TMEM163: variants seen among roughly 807,000 people sequenced by gnomAD.
TMEM163 encodes transmembrane protein 163.
A neutral mutation model predicts 29.3 loss-of-function variants in TMEM163; 17 were observed. That is an observed-to-expected ratio of 0.58 (90% CI 0.40 to 0.87). The LOEUF (loss-of-function observed/expected upper bound fraction) is 0.87. TMEM163 is among the 40% of genes least tolerant of loss of function. TMEM163 has a pLI of 0.00. For synonymous variants in TMEM163, 157 were observed against 160.6 expected, an observed-to-expected ratio of 0.98 and a Z score of 0.17; for missense variants, 303 against 381.5, an observed-to-expected ratio of 0.79 and a Z score of 1.71.
intron 2 of TMEM163, among the ~76,000 whole-genome samples, chr2:134,631,373 C>A (rs1682964822): frequency 6.6e-6 from 1 of 152,112 alleles, no homozygotes; most frequent in African/African-American, 2.4e-5. Context: ...ACTGTAATGA[C>A]ATTTTTGAAC....
intron 2 of TMEM163, among the ~76,000 whole-genome samples, chr2:134,565,161 C>T (rs1681271898): frequency 6.6e-6 from 1 of 151,976 alleles, no homozygotes; most frequent in African/African-American, 2.4e-5. Context: ...TCGATTGAAC[C>T]CAGGAGGCAG....
chr2:134,489,322 G>A (rs1373905390), intron 5 of TMEM163, among the ~76,000 whole-genome samples: 2 of 152,046 alleles, frequency 1.3e-5, no homozygotes, highest in Non-Finnish European at 2.9e-5. Context: ...GTTCACACCT[G>A]TAATCCCAGC....
At chr2:134,591,194 C>T (rs560915007) in intron 2 of TMEM163, among the ~76,000 whole-genome samples, 4 of 152,310 alleles carry the variant, frequency 2.6e-5, no homozygotes, top group African/African-American at 7.2e-5. Context: ...TTCCCCTCTC[C>T]GTGGCAGAGA....
chr2:134,616,141 T>C (rs866049822), intron 2 of TMEM163, among the ~76,000 whole-genome samples: 1 of 152,316 alleles, frequency 6.6e-6, no homozygotes, highest in East Asian at 1.9e-4. Context: ...AGAGCAAAGA[T>C]CATGGCAACA....
rs530018832 is a variant in TMEM163, at chr2:134,592,152, A to C, written c.323-40061T>G. Reference sequence around the variant, plus strand: ...TTTGTCTGAAGACTTGAAGTCAGTAAAAATTAAAACTTGAGTTAAGATAAG... The same window carrying C: ...TTTGTCTGAAGACTTGAAGTCAGTACAAATTAAAACTTGAGTTAAGATAAG... On this transcript the variant is annotated intron_variant, in intron 2 of 7. Coordinates refer to ENST00000281924, the MANE Select transcript of TMEM163 (RefSeq NM_030923.5). Among the ~76,000 whole-genome samples, 14 of 152,336 alleles carry C rather than the reference A, an allele frequency of 9.2e-5. No homozygotes were observed. In the East Asian group the frequency reaches 1.7e-3, roughly 19 times the overall value.
intron 4 of TMEM163, among the ~76,000 whole-genome samples, chr2:134,544,159 C>G (rs926138731): frequency 6.6e-6 from 1 of 152,114 alleles, no homozygotes; most frequent in African/African-American, 2.4e-5. Flanking sequence ...GGCAAGCATC[C>G]CATGGCCCTC....
intron 2 of TMEM163, among the ~76,000 whole-genome samples, chr2:134,597,542 C>A (rs144064831): frequency 6.6e-6 from 1 of 152,072 alleles, no homozygotes; most frequent in Non-Finnish European, 1.5e-5. Flanking sequence ...ATTTTTGCAT[C>A]GATATTCATC....
At chr2:134,544,029 A>G (rs570386746) in intron 4 of TMEM163, among the ~76,000 whole-genome samples, 2 of 152,322 alleles carry the variant, frequency 1.3e-5, no homozygotes, top group African/African-American at 4.8e-5. Context: ...CATCTCAGCA[A>G]GCTGACTGAC....
At chr2:134,664,391 G>A (rs974599345) in intron 2 of TMEM163, among the ~76,000 whole-genome samples, 3 of 152,332 alleles carry the variant, frequency 2.0e-5, no homozygotes, top group Middle Eastern at 3.4e-3. Context: ...TAGGTCTAGC[G>A]TGGGGTTTAA....
chr2:134,640,259 A>C (rs1242162860), intron 2 of TMEM163, among the ~76,000 whole-genome samples: 1 of 152,190 alleles, frequency 6.6e-6, no homozygotes, highest in Non-Finnish European at 1.5e-5. Context: ...TCCTCACTTC[A>C]TTAATTCCTA....
intron 4 of TMEM163, among the ~76,000 whole-genome samples, chr2:134,507,256 A>C (rs1445808392): frequency 6.6e-6 from 1 of 151,908 alleles, no homozygotes. Flanking sequence ...GAATCGCTTG[A>C]ACCTGGGAGG....
At chr2:134,532,176 G>A (rs960849764) in intron 4 of TMEM163, among the ~76,000 whole-genome samples, 9 of 152,202 alleles carry the variant, frequency 5.9e-5, no homozygotes, top group African/African-American at 2.2e-4. Context: ...AAAGTCTAGC[G>A]CATCTGTGTC....
chr2:134,476,714 C>CTGGCTT (rs1353897620), intron 5 of TMEM163, among the ~76,000 whole-genome samples: 1 of 152,176 alleles, frequency 6.6e-6, no homozygotes, highest in Non-Finnish European at 1.5e-5. Flanking sequence ...ACCTGGAGGG[C>CTGGCTT]TGGCTTTAAG....
chr2:134,685,697 G>A (rs1684336266), intron 2 of TMEM163, among the ~76,000 whole-genome samples: 1 of 152,078 alleles, frequency 6.6e-6, no homozygotes, highest in South Asian at 2.1e-4. Context: ...CTTACAAAGG[G>A]AACATGGAAG....
chr2:134,682,481 AAAAC>A, intron 2 of TMEM163, among the ~76,000 whole-genome samples: 2 of 152,344 alleles, frequency 1.3e-5, no homozygotes, highest in East Asian at 3.9e-4. Context: ...ATACGGAAAG[AAAAC>A]TAATGAGAAA....
intron 2 of TMEM163, among the ~76,000 whole-genome samples, chr2:134,579,617 C>T (rs1232606601): frequency 1.3e-5 from 2 of 152,044 alleles, no homozygotes; most frequent in Non-Finnish European, 2.9e-5. Context: ...AGCTAATGAA[C>T]AGGGTGAATG....
chr2:134,670,029 C>T (rs2104865897), intron 2 of TMEM163, among the ~76,000 whole-genome samples: 1 of 152,134 alleles, frequency 6.6e-6, no homozygotes, highest in South Asian at 2.1e-4. Flanking sequence ...AAACTCCTGC[C>T]CCACCGAAAC....
intron 5 of TMEM163, chr2:134,469,084 T>C (rs1326944161): frequency 6.6e-6 from 1 of 152,126 alleles, no homozygotes; most frequent in Non-Finnish European, 1.5e-5. Context: ...CAGACAAGCC[T>C]GGTCAGCATT....
intron 4 of TMEM163, among the ~76,000 whole-genome samples, chr2:134,519,758 G>T (rs1483057042): frequency 1.3e-5 from 2 of 151,508 alleles, no homozygotes; most frequent in African/African-American, 4.8e-5. Flanking sequence ...AGGCGTGGTG[G>T]TATACGCCTG....
Sources: gnomAD v4.1 joint callset for allele counts (sites outside exome capture counted in the v4.1 genomes callset) on GRCh38, gnomAD v4.1.1 for gene constraint, MANE v1.5 for transcripts, NCBI Gene and HGNC (gene_info 2026-07-23, HGNC 2026-07-21) for gene names.